Variants in LMNTD1 observed in about 807,000 individuals in gnomAD.
LMNTD1 encodes lamin tail domain containing 1.
LMNTD1 carries 35 observed loss-of-function variants against 50.9 expected under a neutral mutation model. That is an observed-to-expected ratio of 0.69 (90% CI 0.53 to 0.91). LMNTD1 has a LOEUF of 0.91. Ranked by LOEUF, LMNTD1 falls within the 40% of genes least tolerant of loss-of-function variation. The pLI is 0.00. For missense variants in LMNTD1, 470 were observed against 475.5 expected, an observed-to-expected ratio of 0.99 and a Z score of 0.11; for synonymous variants, 153 against 161.9, an observed-to-expected ratio of 0.94 and a Z score of 0.42.
At chr12:25,576,924 C>T (rs1221932813) in intron 1 of LMNTD1, among the ~76,000 whole-genome samples, 1 of 152,110 alleles carries the variant, frequency 6.6e-6, no homozygotes, top group Non-Finnish European at 1.5e-5. Flanking sequence ...AGCCAGTTTT[C>T]CCAGCACCAT....
chr12:25,609,289 G>C (rs748991228), intron 1 of LMNTD1, among the ~76,000 whole-genome samples: 1 of 152,134 alleles, frequency 6.6e-6, no homozygotes, highest in South Asian at 2.1e-4. Flanking sequence ...GCTAGGAGAA[G>C]TTTGTTAATA....
intron 1 of LMNTD1, among the ~76,000 whole-genome samples, chr12:25,646,581 A>G (rs1166850646): frequency 2.6e-5 from 4 of 152,118 alleles, no homozygotes; most frequent in Admixed American, 1.3e-4. Flanking sequence ...TGTTAACCCA[A>G]AGTCCCTGGT....
In LMNTD1 at chr12:25,520,089, T is replaced by C. The variant is rs771374311; in HGVS notation, c.799-14A>G. ...CCACGCAATGGCCTAATGAAAATGA[T>C]TTATTAATGTTGGCTATGTATATTT... On this transcript the variant is annotated splice_polypyrimidine_tract_variant and intron_variant, in intron 6 of 9. Coordinates refer to ENST00000458174, the MANE Select transcript of LMNTD1 (RefSeq NM_001145728.2). 3.9e-6 allele frequency: 6 copies of C among 1,557,258 alleles called. No individual in the cohort carries two copies. In the Admixed American group the frequency reaches 8.5e-5, roughly 22 times the overall value.
At chr12:25,629,599 G>A (rs1159529963) in intron 1 of LMNTD1, among the ~76,000 whole-genome samples, 1 of 152,150 alleles carries the variant, frequency 6.6e-6, no homozygotes, top group Non-Finnish European at 1.5e-5. Context: ...CTGGGGATTA[G>A]GCAGACTGTA....
chr12:25,523,942 G>A (rs1224836524), intron 6 of LMNTD1, among the ~76,000 whole-genome samples: 1 of 152,164 alleles, frequency 6.6e-6, no homozygotes, highest in Non-Finnish European at 1.5e-5. Context: ...TGGCATGAAG[G>A]AGCAGTCAAG....
chr12:25,623,473 G>T (rs1946518702), intron 1 of LMNTD1, among the ~76,000 whole-genome samples: 1 of 138,260 alleles, frequency 7.2e-6, no homozygotes, highest in African/African-American at 2.7e-5. Flanking sequence ...AGAATCACTT[G>T]AACCCAGGAG....
intron 1 of LMNTD1, among the ~76,000 whole-genome samples, chr12:25,639,827 T>C (rs1375754657): frequency 6.6e-6 from 1 of 152,136 alleles, no homozygotes; most frequent in East Asian, 1.9e-4. Context: ...TAAAAACACA[T>C]ATCCACACAA....
chr12:25,510,691 A>G (rs893179868), intron 8 of LMNTD1, among the ~76,000 whole-genome samples: 2 of 151,590 alleles, frequency 1.3e-5, no homozygotes, highest in African/African-American at 4.9e-5. Flanking sequence ...GATATTTTGT[A>G]TTCCATTTTA....
intron 6 of LMNTD1, among the ~76,000 whole-genome samples, chr12:25,522,595 T>C (rs989103905): frequency 6.6e-6 from 1 of 152,178 alleles, no homozygotes; most frequent in Non-Finnish European, 1.5e-5. Context: ...GAAACATTAC[T>C]GAGAATCAAC....
intron 1 of LMNTD1, among the ~76,000 whole-genome samples, chr12:25,563,554 T>C (rs1278557969): frequency 1.3e-5 from 2 of 152,190 alleles, no homozygotes; most frequent in South Asian, 4.1e-4. Flanking sequence ...AATTGGCCCC[T>C]ACTGGGAGAT....
intron 1 of LMNTD1, among the ~76,000 whole-genome samples, chr12:25,581,255 T>C (rs1028143739): frequency 4.6e-5 from 7 of 152,208 alleles, no homozygotes; most frequent in African/African-American, 1.7e-4. Context: ...GTGCTTTATT[T>C]GTCAAACAGA....
chr12:25,525,184 T>A (rs756901962), intron 6 of LMNTD1, among the ~76,000 whole-genome samples: 3 of 152,218 alleles, frequency 2.0e-5, no homozygotes, highest in Non-Finnish European at 4.4e-5. Context: ...TATTGGTGTG[T>A]CCATGGGTAT....
At chr12:25,582,909 A>G (rs950967219) in intron 1 of LMNTD1, among the ~76,000 whole-genome samples, 2 of 151,942 alleles carry the variant, frequency 1.3e-5, no homozygotes, top group Non-Finnish European at 2.9e-5. Context: ...GTGCAGTAGC[A>G]CGATCATGGC....
intron 9 of LMNTD1, among the ~76,000 whole-genome samples, chr12:25,498,284 T>C (rs10842570): frequency 0.26 from 39,527 of 152,076 alleles, 5,387 homozygotes; most frequent in Middle Eastern, 0.34. Flanking sequence ...ATATTTTTGT[T>C]CCTTTGTCAT....
At chr12:25,491,241 T>G (rs561179140) in intron 9 of LMNTD1, among the ~76,000 whole-genome samples, 1 of 152,100 alleles carries the variant, frequency 6.6e-6, no homozygotes, top group South Asian at 2.1e-4. Context: ...ATCAAGAGAG[T>G]GGGGCAATGG....
intron 9 of LMNTD1, among the ~76,000 whole-genome samples, chr12:25,489,582 A>C (rs141945151): frequency 0.23 from 31,684 of 140,102 alleles, 3,880 homozygotes; most frequent in Middle Eastern, 0.32. Context: ...AGAAATCACC[A>C]GTCTTCTGCG....
chr12:25,577,277 T>C (rs1945067231), intron 1 of LMNTD1, among the ~76,000 whole-genome samples: 1 of 152,232 alleles, frequency 6.6e-6, no homozygotes, highest in Admixed American at 6.5e-5. Flanking sequence ...ATAAATTACC[T>C]TGGGCAGTAT....
In LMNTD1 at chr12:25,623,433, A is replaced by G. The variant is rs142045757; in HGVS notation, c.58+25061T>C. The stretch of plus-strand genomic sequence containing the variant: ...GCTGGGCATGGTGGCATGCACCTGT[A>G]ATCCTAGTTACTCCAGAGGCTGAGG... On this transcript the variant is annotated intron_variant, in intron 1 of 7. Coordinates refer to the LMNTD1 transcript ENST00000445693. 2.1e-4 allele frequency among the ~76,000 whole-genome samples: 32 copies of G among 151,906 alleles called. No individual in the cohort carries two copies. The East Asian group carries it at 5.6e-3, about 27-fold the overall frequency.
chr12:25,490,265 G>A (rs1376320163), intron 9 of LMNTD1, among the ~76,000 whole-genome samples: 2 of 152,138 alleles, frequency 1.3e-5, no homozygotes. Flanking sequence ...AGTTGCAAAA[G>A]AACTAGCAAA....
Sources: allele counts gnomAD v4.1 joint callset (sites outside exome capture counted in the v4.1 genomes callset), GRCh38; gene constraint gnomAD v4.1.1; transcripts MANE v1.5; gene names NCBI Gene and HGNC (gene_info 2026-07-23, HGNC 2026-07-21).